Variants in SUGCT observed in about 807,000 individuals in gnomAD.
The protein encoded by SUGCT is succinyl-CoA:glutarate CoA-transferase.
In SUGCT, 41 loss-of-function variants were observed where a neutral mutation model predicts 55.0. The ratio of observed to expected loss-of-function variants is 0.74; its 90% CI spans 0.58 to 0.97. The LOEUF is 0.97. Ranked by LOEUF, SUGCT falls within the 50% of genes least tolerant of loss-of-function variation. The pLI, the probability that SUGCT is intolerant of heterozygous loss-of-function variation, is 0.00. For synonymous variants in SUGCT, 187 were observed against 200.4 expected (o/e 0.93, Z 0.56); for missense variants, 568 against 547.8 (o/e 1.04, Z -0.37).
intron 12 of SUGCT, among the ~76,000 whole-genome samples, chr7:40,649,460 A>G (rs1246466801): frequency 6.6e-6 from 1 of 152,218 alleles, no homozygotes; most frequent in African/African-American, 2.4e-5. Context: ...TAACCTTTGC[A>G]TAGCCACTGC....
At chr7:40,832,489 A>G (rs1792728295) in intron 13 of SUGCT, among the ~76,000 whole-genome samples, 1 of 151,388 alleles carries the variant, frequency 6.6e-6, no homozygotes, top group Non-Finnish European at 1.5e-5. Flanking sequence ...TAAGAGAAGG[A>G]TAGCTATAAT....
the SUGCT span, among the ~76,000 whole-genome samples, chr7:40,946,717 TA>T: frequency 6.6e-6 from 1 of 152,252 alleles, no homozygotes. Context: ...TTGCTGGATA[TA>T]AAATTTTTGG....
At chr7:40,142,570 C>T (rs759821661) in intron 1 of SUGCT, among the ~76,000 whole-genome samples, 16 of 152,162 alleles carry the variant, frequency 1.1e-4, no homozygotes, top group Non-Finnish European at 1.5e-4. Context: ...ATTATGGCTG[C>T]GAGGGAAGTA....
the SUGCT span, among the ~76,000 whole-genome samples, chr7:41,001,437 A>G: frequency 2.6e-5 from 4 of 152,214 alleles, no homozygotes; most frequent in Non-Finnish European, 5.9e-5. Flanking sequence ...AGAATAAGAA[A>G]GAGTCTACTA....
chr7:40,795,127 GATGTAT>G (rs1345334425), intron 13 of SUGCT, among the ~76,000 whole-genome samples: 2 of 152,066 alleles, frequency 1.3e-5, no homozygotes, highest in African/African-American at 4.8e-5. Flanking sequence ...TAAATTGCAT[GATGTAT>G]AATACACCAG....
intron 7 of SUGCT, among the ~76,000 whole-genome samples, chr7:40,273,798 A>AT (rs1792271984): frequency 1.3e-5 from 2 of 152,158 alleles, no homozygotes; most frequent in Admixed American, 1.3e-4. Flanking sequence ...CCTTAATGAA[A>AT]TATATGAGTT....
At chr7:40,475,892 A>G (rs1435628295) in intron 11 of SUGCT, among the ~76,000 whole-genome samples, 1 of 149,774 alleles carries the variant, frequency 6.7e-6, no homozygotes, top group African/African-American at 2.4e-5. Flanking sequence ...CAAATTATCT[A>G]TCAATCCATC....
intron 9 of SUGCT, among the ~76,000 whole-genome samples, chr7:40,433,834 T>G (rs1462689227): frequency 6.6e-6 from 1 of 152,198 alleles, no homozygotes; most frequent in Non-Finnish European, 1.5e-5. Flanking sequence ...TATTTACATA[T>G]TCTCCACCTT....
chr7:40,909,573 A>T, the SUGCT span, among the ~76,000 whole-genome samples: 1 of 152,118 alleles, frequency 6.6e-6, no homozygotes, highest in Non-Finnish European at 1.5e-5. Context: ...ACTACGGGGG[A>T]GGCTATTCTT....
At position 40,550,125 on chromosome 7, in the gene SUGCT, C is replaced by T. The variant is rs144997937; in HGVS notation, c.1089+53739C>T. Among the ~76,000 whole-genome samples the T allele has an allele frequency of 3.9e-3, 600 of 152,244 alleles. 4 individuals carry two copies. The highest frequency in any genetic ancestry group is 0.014 in the African/African-American group (569 of 41,526). On this transcript the variant is annotated intron_variant, in intron 12 of 13. Coordinates refer to ENST00000335693, the MANE Select transcript of SUGCT (RefSeq NM_001193313.2). ...CTGTCTATGCTGGTGGCTCTACCAC[C>T]TGATGAAGAGACTCTAAACAGTCAT...
the SUGCT span, chr7:40,965,064 T>G: frequency 6.6e-6 from 1 of 152,250 alleles, no homozygotes; most frequent in Non-Finnish European, 1.5e-5. Context: ...TTTAAGGTTG[T>G]GCCCTTGGTT....
At chr7:41,019,128 A>G in the SUGCT span, among the ~76,000 whole-genome samples, 705 of 151,292 alleles carry the variant, frequency 4.7e-3, 3 homozygotes, top group Non-Finnish European at 6.5e-3. Flanking sequence ...CTGGTCTTGA[A>G]CTCCTGACCT....
At chr7:40,339,959 A>G (rs1031470087) in intron 9 of SUGCT, among the ~76,000 whole-genome samples, 1 of 152,202 alleles carries the variant, frequency 6.6e-6, no homozygotes, top group Non-Finnish European at 1.5e-5. Flanking sequence ...GATGAAATCT[A>G]TGAAAGCCTT....
At chr7:40,898,575 T>A in the SUGCT span, among the ~76,000 whole-genome samples, 1 of 139,714 alleles carries the variant, frequency 7.2e-6, no homozygotes, top group African/African-American at 2.6e-5. Flanking sequence ...TACAAAAAAT[T>A]ATTTTGGGCG....
At chr7:40,381,605 T>C (rs1467557885) in intron 9 of SUGCT, among the ~76,000 whole-genome samples, 2 of 152,252 alleles carry the variant, frequency 1.3e-5, no homozygotes, top group East Asian at 3.9e-4. Flanking sequence ...TTTTTCCTTG[T>C]CTCAGGAGAC....
the SUGCT span, among the ~76,000 whole-genome samples, chr7:41,032,102 A>G: frequency 1.3e-5 from 2 of 152,256 alleles, no homozygotes; most frequent in South Asian, 4.1e-4. Context: ...AATTCATATT[A>G]TTGCCTTTCA....
chr7:40,790,526 G>A (rs944512391), intron 13 of SUGCT, among the ~76,000 whole-genome samples: 2 of 152,206 alleles, frequency 1.3e-5, no homozygotes, highest in Non-Finnish European at 1.5e-5. Context: ...TTCTTAAAAT[G>A]TCTTTTCTCT....
chr7:41,027,017 G>A, the SUGCT span, among the ~76,000 whole-genome samples: 1 of 152,102 alleles, frequency 6.6e-6, no homozygotes, highest in Non-Finnish European at 1.5e-5. Context: ...GGGCGACAGA[G>A]CAAGACTCCA....
At chr7:40,806,366 T>A (rs1279759406) in intron 13 of SUGCT, among the ~76,000 whole-genome samples, 1 of 152,148 alleles carries the variant, frequency 6.6e-6, no homozygotes, top group Non-Finnish European at 1.5e-5. Flanking sequence ...ATGTTTAGAG[T>A]GAAATCCTCA....
Sources: gnomAD v4.1 joint callset for allele counts (sites outside exome capture counted in the v4.1 genomes callset) on GRCh38, gnomAD v4.1.1 for gene constraint, MANE v1.5 for transcripts, NCBI Gene and HGNC (gene_info 2026-07-23, HGNC 2026-07-21) for gene names.